The following AP2A2 variants were observed in gnomAD, a reference collection of about 807,000 sequenced individuals.
AP2A2 encodes the protein AP-2 complex subunit alpha-2.
AP2A2 carries 32 observed loss-of-function variants against 104.2 expected under a neutral mutation model. That is an observed-to-expected ratio of 0.31 (90% confidence interval 0.23 to 0.41). AP2A2 has a LOEUF of 0.41. Among genes scored for constraint, AP2A2 ranks in the 10% least tolerant of loss-of-function variants. AP2A2 has a pLI of 1.00. For synonymous variants in AP2A2, 539 were observed against 533.3 expected, an observed-to-expected ratio of 1.01 and a Z score of -0.15; for missense variants, 912 against 1,261.0, an observed-to-expected ratio of 0.72 and a Z score of 4.19.
At position 972,270 on chromosome 11, in the gene AP2A2, C is replaced by CCGGGCTT; in HGVS notation, c.473+15_473+16insCGGGCTT. 6 of 1,562,830 alleles carry CCGGGCTT rather than the reference C, an allele frequency of 3.8e-6. No individual in the cohort carries two copies. The highest frequency in any genetic ancestry group is 1.7e-4 in the Middle Eastern group (1 of 5,922). On this transcript the variant is annotated intron_variant, in intron 4 of 21. Transcript: ENST00000448903. Reference sequence around the variant, plus strand: ...CTCGTAGCCGGGTATGTGCCGGGCTCGTGCCGGGCTCCTGCTGAAGATGTG... The same window carrying CCGGGCTT: ...CTCGTAGCCGGGTATGTGCCGGGCTCCGGGCTTGTGCCGGGCTCCTGCTGAAGATGTG...
intron 17 of AP2A2, chr11:1,007,581 C>T (rs1856252916): frequency 9.3e-6 from 2 of 215,192 alleles, no homozygotes; most frequent in Non-Finnish European, 1.9e-5. Context: ...CCTTGTTTTC[C>T]AGCATGAAAA....
intron 6 of AP2A2, among the ~76,000 whole-genome samples, chr11:982,308 C>G (rs1319481685): frequency 6.6e-6 from 1 of 152,214 alleles, no homozygotes; most frequent in African/African-American, 2.4e-5. Flanking sequence ...GCTTTGGCCT[C>G]CCAAACTGCT....
chr11:957,771 C>A (rs1854286547), intron 1 of AP2A2, among the ~76,000 whole-genome samples: 1 of 152,266 alleles, frequency 6.6e-6, no homozygotes, highest in Non-Finnish European at 1.5e-5. Flanking sequence ...CGTAATCCCT[C>A]CTAGCTTCAT....
At chr11:983,589 T>G (rs181854255) in intron 6 of AP2A2, among the ~76,000 whole-genome samples, 1 of 151,840 alleles carries the variant, frequency 6.6e-6, no homozygotes, top group Non-Finnish European at 1.5e-5. Context: ...TTCACTGTGT[T>G]AGCCAGGATG....
intron 6 of AP2A2, among the ~76,000 whole-genome samples, 186 bp from the exon 7 acceptor site, chr11:984,459 T>A (rs1414178781): frequency 6.6e-6 from 1 of 152,138 alleles, no homozygotes; most frequent in African/African-American, 2.4e-5. Context: ...TGTTGCCGAG[T>A]GACAGTGCAG....
At chr11:978,242 G>A (rs573256059) in intron 5 of AP2A2, among the ~76,000 whole-genome samples, 10 of 152,248 alleles carry the variant, frequency 6.6e-5, no homozygotes, top group Admixed American at 3.9e-4. Context: ...CTGAGGGACC[G>A]GGGCTGCCTG....
chr11:999,310 G>C (rs1430311199), intron 14 of AP2A2, among the ~76,000 whole-genome samples: 6 of 152,116 alleles, frequency 3.9e-5, no homozygotes, highest in African/African-American at 1.4e-4. Flanking sequence ...TCAAGAGTTC[G>C]AGACCAACCT....
rs1855760355 is a variant in AP2A2 at position 994,142 on chromosome 11, A to G, written c.1853A>G (p.Lys618Arg). The change falls in exon 14 of 22, where the codon AAG (lysine) becomes AGG (arginine). Residue 618 changes from lysine (K) to arginine (R), a missense_variant. Physicochemically the swap from Lys to Arg is conservative, Grantham distance 26 (BLOSUM62 2). Around this residue, in one of 7 missense-constraint regions of AP2A2, gnomAD observed 137 missense variants for 186.9 expected, o/e 0.73. Coordinates refer to ENST00000448903, the MANE Select transcript of AP2A2 (RefSeq NM_012305.4). ...TCCATCTTGGCAAAGCTCAAGAAGA[A>G]GAAGGGCCCCAGCACGGTGACAGAC... Reference protein sequence around the residue: ...ESSILAKLKKKKGPSTVTDLE... With the variant: ...ESSILAKLKKRKGPSTVTDLE... The G allele has an allele frequency of 6.2e-7, 1 of 1,613,014 alleles. No individual in the cohort carries two copies. Among genetic ancestry groups the G allele is most frequent in the Admixed American group, 1.7e-5 (1 of 60,004 alleles).
intron 16 of AP2A2, among the ~76,000 whole-genome samples, chr11:1,004,886 G>A (rs574274970): frequency 3.9e-5 from 6 of 152,172 alleles, no homozygotes; most frequent in Admixed American, 6.5e-5. Context: ...CTTGTACGCC[G>A]CTGGTGGGAA....
intron 1 of AP2A2, among the ~76,000 whole-genome samples, chr11:927,960 A>G (rs1853172563): frequency 6.6e-6 from 1 of 152,054 alleles, no homozygotes; most frequent in Non-Finnish European, 1.5e-5. Flanking sequence ...TCTTAAGGGG[A>G]CCTCTGGGAC....
At chr11:965,328 C>A (rs1854574883) in intron 2 of AP2A2, among the ~76,000 whole-genome samples, 1 of 152,150 alleles carries the variant, frequency 6.6e-6, no homozygotes, top group Non-Finnish European at 1.5e-5. Context: ...TAGGTAACGC[C>A]AGTGTGTTGT....
chr11:954,912 A>C (rs913880681), intron 1 of AP2A2, among the ~76,000 whole-genome samples: 1 of 152,186 alleles, frequency 6.6e-6, no homozygotes, highest in African/African-American at 2.4e-5. Context: ...GTGGTTTCAC[A>C]ACCTTATATA....
At position 964,651 on chromosome 11, in the gene AP2A2, A is replaced by T. The variant is rs528091273; in HGVS notation, c.136+5146A>T. On this transcript the variant is annotated intron_variant, in intron 2 of 21. Transcript: ENST00000448903. Reference sequence around the variant, plus strand: ...TCAATGCCACAGTCTCACTTTTCCTATTTTTTTTTAATAAAATGTTGTGAA... The same window carrying T: ...TCAATGCCACAGTCTCACTTTTCCTTTTTTTTTTTAATAAAATGTTGTGAA... 5.3e-4 allele frequency among the ~76,000 whole-genome samples: 80 copies of T among 151,374 alleles called. 1 individual carries two copies. The highest frequency in any genetic ancestry group is 1.5e-3 in the African/African-American group (62 of 41,282).
At chr11:971,136 G>C (rs1053213617) in intron 3 of AP2A2, among the ~76,000 whole-genome samples, 1 of 152,196 alleles carries the variant, frequency 6.6e-6, no homozygotes, top group African/African-American at 2.4e-5. Context: ...GGGGATGGGG[G>C]ATTAGCCTTG....
intron 1 of AP2A2, among the ~76,000 whole-genome samples, chr11:938,760 C>T (rs556030251): frequency 5.5e-4 from 83 of 152,166 alleles, no homozygotes; most frequent in African/African-American, 1.9e-3. Context: ...AGGCATGAGC[C>T]GCTGTGCCCG....
In AP2A2 at chr11:935,756, G is replaced by A. The variant is rs1170859563; in HGVS notation, c.67+9668G>A. 8.0e-5 allele frequency among the ~76,000 whole-genome samples: 12 copies of A among 149,700 alleles called. No homozygotes were observed. In the Admixed American group the frequency reaches 8.0e-4, roughly 10 times the overall value. On this transcript the variant is annotated intron_variant, in intron 1 of 21. Transcript: ENST00000448903. ...TGAGTAGCTGGGATTGCAGGCACCT[G>A]GCTAATTTTTTGTATTTTTAGTAGA...
At chr11:944,524 T>C (rs1853767499) in intron 1 of AP2A2, among the ~76,000 whole-genome samples, 2 of 152,116 alleles carry the variant, frequency 1.3e-5, no homozygotes, top group African/African-American at 4.8e-5. Context: ...CAGAGAAATA[T>C]CATTCTAGTG....
At chr11:936,642 C>T (rs1853468446) in intron 1 of AP2A2, among the ~76,000 whole-genome samples, 1 of 152,146 alleles carries the variant, frequency 6.6e-6, no homozygotes, top group Non-Finnish European at 1.5e-5. Flanking sequence ...CCTGCTTCAG[C>T]CTCCCAAAGT....
At chr11:977,302 G>A (rs528447735) in intron 5 of AP2A2, 78 bp downstream of exon 5, 8 of 1,499,416 alleles carry the variant, frequency 5.3e-6, no homozygotes, top group African/African-American at 2.8e-5. Context: ...ACCATGGTGC[G>A]CCTTCTCGGG....
Sources: allele counts gnomAD v4.1 joint callset (sites outside exome capture counted in the v4.1 genomes callset), GRCh38; gene constraint gnomAD v4.1.1; regional missense constraint gnomAD v4.1.1; transcripts MANE v1.5; gene names NCBI Gene and HGNC (gene_info 2026-07-23, HGNC 2026-07-21).